TOLLIP: variants seen among roughly 807,000 people sequenced by gnomAD.
TOLLIP encodes toll interacting protein, also known as toll-interacting protein.
A neutral mutation model predicts 33.5 loss-of-function variants in TOLLIP; 16 were observed. The ratio of observed to expected loss-of-function variants is 0.48; its 90% CI spans 0.32 to 0.72. The LOEUF (loss-of-function observed/expected upper bound fraction) is 0.72, where lower values mean the gene tolerates loss of function less well. Ranked by LOEUF, TOLLIP falls within the 30% of genes least tolerant of loss-of-function variation. The probability of loss-of-function intolerance (pLI) is 0.03; values close to 1 mark genes in which losing one functional copy is unlikely to be tolerated. For missense variants in TOLLIP, 325 were observed against 396.6 expected (o/e 0.82, Z 1.53); for synonymous variants, 176 against 163.7 (o/e 1.07, Z -0.57).
Position 1,295,780 on chromosome 11 carries a change from C to A in TOLLIP, c.48G>T (p.Glu16Asp). The A allele has an allele frequency of 3.8e-6, 6 of 1,580,018 alleles. No homozygotes were observed. The highest frequency in any genetic ancestry group is 2.3e-5 in the East Asian group (1 of 42,956). Reference protein sequence around the residue: ...STQRGPVYIGELPQDFLRITP... With the variant: ...STQRGPVYIGDLPQDFLRITP... ...TGATGCGGAGGAAGTCCTGCGGGAG[C>A]TCACCGATGTACACCTGCGGGGCCG... Residue 16 changes from glutamate to aspartate, a missense_variant, in exon 2 of 6, where the codon GAG (glutamate) becomes GAT (aspartate). Transcript: ENST00000317204.
At chr11:1,284,427 C>T (rs566606562) in intron 5 of TOLLIP, among the ~76,000 whole-genome samples, 19 of 152,104 alleles carry the variant, frequency 1.2e-4, no homozygotes, top group African/African-American at 4.6e-4. Context: ...CGGCTCACTG[C>T]AAGCTCCACC....
intron 1 of TOLLIP, 31 bp downstream of exon 1, chr11:1,309,434 GC>G (rs1454553403): frequency 1.1e-5 from 14 of 1,255,612 alleles, no homozygotes; most frequent in South Asian, 4.5e-5. Flanking sequence ...GCAGGTCACC[GC>G]CCCCGCCCGA....
At position 1,288,653 on chromosome 11, in the gene TOLLIP, C is replaced by T. The variant is rs1863828765; in HGVS notation, c.490G>A (p.Gly164Ser). The T allele has an allele frequency of 6.2e-7, 1 of 1,612,654 alleles. No individual in the cohort carries two copies. Among genetic ancestry groups the T allele is most frequent in the Admixed American group, 1.7e-5 (1 of 59,988 alleles). ...LSGRQGDDKE[G>S]MINLVMSYAL... ...TAGGACATGACGAGGTTGATCATGC[C>T]CTCCTTGTCGTCCCCCTGCCTCCCG... The change falls in exon 4 of 6, where the codon GGC (glycine) becomes AGC (serine). Residue 164 changes from glycine (G) to serine (S), a missense_variant. Gly to Ser is a moderately conservative substitution (Grantham distance 56, BLOSUM62 0). Coordinates refer to ENST00000317204, the MANE Select transcript of TOLLIP (RefSeq NM_019009.4).
rs746987940 is a variant in TOLLIP at position 1,274,510 on chromosome 11, C to T, written c.*2529G>A. ...CCCCAGTAAAATAATCAGAAGCGCA[C>T]GTTCTGAGACCACTCCTGCCTGGCA... On this transcript the variant is annotated 3_prime_UTR_variant, in exon 6 of 6. Transcript: ENST00000317204. 5 of 152,122 alleles carry T rather than the reference C, an allele frequency of 3.3e-5. No individual in the cohort carries two copies. Among genetic ancestry groups the T allele is most frequent in the African/African-American group, 4.8e-5 (2 of 41,414 alleles). 9.4% of individuals were successfully genotyped at this position (152,122 alleles called of 1,614,324 possible).
chr11:1,278,177 C>T lies in TOLLIP; in HGVS notation c.611-924G>A, dbSNP rs1223708818. Among the ~76,000 whole-genome samples the T allele has an allele frequency of 6.6e-6, 1 of 151,484 alleles. No individual in the cohort carries two copies. The highest frequency in any genetic ancestry group is 1.5e-5 in the Non-Finnish European group (1 of 68,028). On this transcript the variant is annotated intron_variant, in intron 5 of 5. Coordinates refer to ENST00000317204, the MANE Select transcript of TOLLIP (RefSeq NM_019009.4). The surrounding 1 kb of genome is among the most constrained non-coding windows in gnomAD (Gnocchi z 4.7). The stretch of plus-strand genomic sequence containing the variant: ...AACCACGAGCAGCCCTGAGCACAGG[C>T]AGCGTGCGCGGGGCTCAGCGACCAG...
chr11:1,289,319 C>T (rs1033389456), intron 3 of TOLLIP, among the ~76,000 whole-genome samples: 1 of 152,212 alleles, frequency 6.6e-6, no homozygotes, highest in Non-Finnish European at 1.5e-5. Context: ...GAGGGCTGGC[C>T]GTCTGCTGGC....
At chr11:1,301,781 A>G (rs902515000) in intron 1 of TOLLIP, among the ~76,000 whole-genome samples, 1 of 152,186 alleles carries the variant, frequency 6.6e-6, no homozygotes, top group Non-Finnish European at 1.5e-5. Context: ...CAGAGCTGGG[A>G]CCCACAGCAG....
intron 1 of TOLLIP, among the ~76,000 whole-genome samples, chr11:1,299,517 T>C (rs1470136895): frequency 1.3e-5 from 2 of 152,192 alleles, no homozygotes; most frequent in African/African-American, 4.8e-5. Flanking sequence ...TCAGTGCTAA[T>C]CCTAAAATTT....
intron 3 of TOLLIP, among the ~76,000 whole-genome samples, chr11:1,289,504 G>A (rs1363518476): frequency 2.0e-5 from 3 of 152,202 alleles, no homozygotes; most frequent in African/African-American, 7.2e-5. Context: ...GACCCTCAAG[G>A]GTCACGACCA....
chr11:1,276,772 A>T lies in TOLLIP; in HGVS notation c.*267T>A. 6.7e-7 allele frequency: 1 copy of T among 1,502,528 alleles called. No homozygotes were observed. The highest frequency in any genetic ancestry group is 8.9e-7 in the Non-Finnish European group (1 of 1,125,426). The allele number at this position is 1,502,528 out of a possible 1,614,324, so 93.1% of individuals were successfully genotyped here. A position where few individuals can be genotyped will look rare whatever the true frequency, so the allele number is the denominator to read the frequency against. ...GAGCATTTTCCAGAACGGCATGAGA[A>T]GGAGAGACGCACGTCCCAGGGACAG... On this transcript the variant is annotated 3_prime_UTR_variant, in exon 6 of 6. Coordinates refer to ENST00000317204, the MANE Select transcript of TOLLIP (RefSeq NM_019009.4).
chr11:1,282,294 T>G (rs191959620), intron 5 of TOLLIP, among the ~76,000 whole-genome samples: 216 of 151,914 alleles, frequency 1.4e-3, no homozygotes, highest in African/African-American at 4.9e-3. Flanking sequence ...ATAATTTGAG[T>G]GAAAAAATAA....
At chr11:1,279,795 G>C (rs1056216398) in intron 5 of TOLLIP, among the ~76,000 whole-genome samples, 1 of 152,204 alleles carries the variant, frequency 6.6e-6, no homozygotes, top group Non-Finnish European at 1.5e-5. Flanking sequence ...AAATTGCTCC[G>C]AGAAGGCCCT....
rs370008179 is a variant in TOLLIP at position 1,277,012 on chromosome 11, G to A, written c.*27C>T. 5.6e-6 allele frequency: 9 copies of A among 1,607,418 alleles called. No individual in the cohort carries two copies. In the African/African-American group the frequency reaches 1.2e-4, roughly 21 times the overall value. On this transcript the variant is annotated 3_prime_UTR_variant, in exon 6 of 6. Transcript: ENST00000317204. The surrounding 1 kb of genome is among the most constrained non-coding windows in gnomAD (Gnocchi z 4.2). ...CCGGGTCGGCGTGTCCAAAGAGCGG[G>A]GGCAAAACGGCATCGAGGCAGAGGC... is the stretch of plus-strand genomic sequence containing the variant.
intron 2 of TOLLIP, among the ~76,000 whole-genome samples, chr11:1,292,812 C>G (rs1359064069): frequency 6.6e-6 from 1 of 152,226 alleles, no homozygotes; most frequent in African/African-American, 2.4e-5. Flanking sequence ...CAGCAGACGG[C>G]GTTACCACTG....
At chr11:1,307,641 A>G (rs5743864) in intron 1 of TOLLIP, among the ~76,000 whole-genome samples, 131,633 of 152,254 alleles carry the variant, frequency 0.86, 57,276 homozygotes, top group Non-Finnish European at 0.92. Context: ...AGGACACAAC[A>G]GCAGGGTGCT....
At chr11:1,302,691 C>T (rs1217327786) in intron 1 of TOLLIP, 9 of 986,086 alleles carry the variant, frequency 9.1e-6, no homozygotes, top group Non-Finnish European at 1.1e-5. Flanking sequence ...TCATGCTCCA[C>T]GCCAGTCTCC....
At chr11:1,284,892 G>A (rs1375730286) in intron 5 of TOLLIP, among the ~76,000 whole-genome samples, 12 of 152,122 alleles carry the variant, frequency 7.9e-5, no homozygotes, top group African/African-American at 2.2e-4. Flanking sequence ...CCTTCCCATC[G>A]TCAGGGCTGG....
chr11:1,286,428 T>A (rs1863697242), intron 4 of TOLLIP, among the ~76,000 whole-genome samples: 1 of 152,238 alleles, frequency 6.6e-6, no homozygotes, highest in Non-Finnish European at 1.5e-5. Flanking sequence ...TGCACTGCTG[T>A]GGTGTCTGAG....
intron 1 of TOLLIP, among the ~76,000 whole-genome samples, chr11:1,307,264 G>A (rs535618594): frequency 9.2e-5 from 14 of 152,326 alleles, no homozygotes; most frequent in Admixed American, 7.8e-4. Context: ...ACCGGTCAAC[G>A]GGGGTGCCCC....
Sources: allele counts gnomAD v4.1 joint callset (sites outside exome capture counted in the v4.1 genomes callset), GRCh38; gene constraint gnomAD v4.1.1; non-coding constraint Gnocchi (gnomAD v3.1); transcripts MANE v1.5; gene names NCBI Gene and HGNC (gene_info 2026-07-23, HGNC 2026-07-21).